PCDHGA1: variants seen among roughly 807,000 people sequenced by gnomAD.
PCDHGA1 encodes the protein protocadherin gamma-A1.
PCDHGA1 carries 32 observed loss-of-function variants against 58.0 expected under a neutral mutation model. That is an observed-to-expected ratio of 0.55 (90% CI 0.42 to 0.74). The LOEUF (loss-of-function observed/expected upper bound fraction) is 0.74, where lower values mean the gene tolerates loss of function less well. PCDHGA1 is among the 30% of genes least tolerant of loss of function. PCDHGA1 has a pLI of 0.00. For synonymous variants in PCDHGA1, 498 were observed against 501.1 expected (o/e 0.99, Z 0.08); for missense variants, 1,205 against 1,182.3 (o/e 1.02, Z -0.28).
chr5:141,365,402 G>A (rs1437859206), intron 1 of PCDHGA1: 2 of 1,613,998 alleles, frequency 1.2e-6, no homozygotes, highest in South Asian at 2.2e-5. Context: ...TTCGATCTCT[G>A]AAGACTGTCT....
In PCDHGA1 at chr5:141,485,146, G is replaced by C; in HGVS notation, c.2422-9661G>C. 6.4e-7 allele frequency: 1 copy of C among 1,569,470 alleles called. No individual in the cohort carries two copies. Among genetic ancestry groups the C allele is most frequent in the Non-Finnish European group, 8.7e-7 (1 of 1,143,568 alleles). On this transcript the variant is annotated intron_variant, in intron 1 of 3. Transcript: ENST00000517417. The surrounding 1 kb of genome is among the most constrained non-coding windows in gnomAD (Gnocchi z 5.7). Reference sequence around the variant, plus strand: ...GGTCGGCTTCATCCGCGTCTCAGGAGCAAGTAGAGAATTAGCGGGCGGCAG... The same window carrying C: ...GGTCGGCTTCATCCGCGTCTCAGGACCAAGTAGAGAATTAGCGGGCGGCAG...
chr5:141,447,161 C>T (rs1432238455), intron 1 of PCDHGA1, among the ~76,000 whole-genome samples: 1 of 151,728 alleles, frequency 6.6e-6, no homozygotes, highest in East Asian at 1.9e-4. Flanking sequence ...TTTGTTTAAG[C>T]GGGGTCTTGC....
In PCDHGA1 at chr5:141,413,886, C is replaced by T. The variant is rs916273509; in HGVS notation, c.2421+80781C>T. The T allele has an allele frequency of 8.7e-6, 14 of 1,613,202 alleles. No homozygotes were observed. The African/African-American group carries it at 1.7e-4, about 20-fold the overall frequency. On this transcript the variant is annotated intron_variant, in intron 1 of 3. Transcript: ENST00000517417. ...CTGTCCTTGTCAGTGTGACTGTCTT[C>T]GATGCAAATGACAACGCGCCGGTCT...
At chr5:141,413,462 G>A (rs750915907) in intron 1 of PCDHGA1, 4 of 1,614,120 alleles carry the variant, frequency 2.5e-6, no homozygotes, top group East Asian at 2.2e-5. Flanking sequence ...AGGATAGACC[G>A]GGAGGAGCTC....
Position 141,437,485 on chromosome 5 carries a change from C to T in PCDHGA1, c.2422-57322C>T, listed in dbSNP as rs372023505. The stretch of plus-strand genomic sequence containing the variant: ...TATACTTTTATAGCATATTTAATCT[C>T]GTAGATCACTTTTCAATGAATTATA... On this transcript the variant is annotated intron_variant, in intron 1 of 3. Transcript: ENST00000517417. Among the ~76,000 whole-genome samples, 16 of 152,188 alleles carry T rather than the reference C, an allele frequency of 1.1e-4. No individual in the cohort carries two copies. In the East Asian group the frequency reaches 2.9e-3, roughly 28 times the overall value.
intron 1 of PCDHGA1, chr5:141,414,145 C>T (rs1157390595): frequency 6.3e-7 from 1 of 1,597,566 alleles, no homozygotes; most frequent in Non-Finnish European, 8.5e-7. Context: ...AATAGAAATA[C>T]AAGCAGAAGA....
In PCDHGA1 at chr5:141,332,100, C is replaced by T; in HGVS notation, c.1416C>T (p.Phe472=). The T allele has an allele frequency of 6.2e-7, 1 of 1,614,210 alleles. No individual in the cohort carries two copies. The highest frequency in any genetic ancestry group is 1.1e-5 in the South Asian group (1 of 91,084). ...PENNPRGASI[F]SVRAHDLDSN... ...ACAACCCCAGAGGAGCCTCCATCTT[C>T]TCTGTGAGGGCCCACGACTTGGACA... The change falls in exon 1 of 4, where the codon TTC becomes TTT. Residue 472 remains phenylalanine, a synonymous_variant. Coordinates refer to ENST00000517417, the MANE Select transcript of PCDHGA1 (RefSeq NM_018912.3). This position sits in a 1 kb window ranked among gnomAD's most constrained non-coding sequence, Gnocchi z 4.6.
chr5:141,360,681 GAAAC>G, intron 1 of PCDHGA1: 1 of 1,613,946 alleles, frequency 6.2e-7, no homozygotes, highest in Non-Finnish European at 8.5e-7. Flanking sequence ...ATCTCGCTGA[GAAAC>G]AGACTCCAGA....
intron 1 of PCDHGA1, among the ~76,000 whole-genome samples, chr5:141,444,862 A>G (rs781224880): frequency 1.8e-4 from 28 of 152,198 alleles, no homozygotes; most frequent in Non-Finnish European, 2.9e-4. Flanking sequence ...AAGTCTTACT[A>G]CAGGACAAAG....
chr5:141,426,790 A>T, intron 1 of PCDHGA1: 1 of 456,732 alleles, frequency 2.2e-6, no homozygotes, highest in Middle Eastern at 3.3e-4. Flanking sequence ...CTCCAGAGTT[A>T]CCAGCTCAGT....
At chr5:141,370,272 A>T (rs1331315673) in intron 1 of PCDHGA1, 1 of 794,344 alleles carries the variant, frequency 1.3e-6, no homozygotes, top group Non-Finnish European at 1.9e-6. Context: ...TGCAGCGGAG[A>T]CACCCATTAG....
At chr5:141,393,326 G>C (rs2092729554) in intron 1 of PCDHGA1, 2 of 1,611,218 alleles carry the variant, frequency 1.2e-6, no homozygotes, top group Non-Finnish European at 1.7e-6. Context: ...AGAGCTACCA[G>C]CTCAGCCCCA....
intron 1 of PCDHGA1, chr5:141,365,824 G>A: frequency 1.2e-6 from 2 of 1,613,926 alleles, no homozygotes; most frequent in Non-Finnish European, 1.7e-6. Context: ...CATTTCAGGG[G>A]GCGCCCTTGT....
chr5:141,333,329 T>C, intron 1 of PCDHGA1: 1 of 739,240 alleles, frequency 1.4e-6, no homozygotes, highest in Non-Finnish European at 2.1e-6. Context: ...ATGTAGGTGG[T>C]TGGGTTGAAG....
At chr5:141,430,842 G>A (rs935750449) in intron 1 of PCDHGA1, 4 of 1,567,068 alleles carry the variant, frequency 2.6e-6, no homozygotes, top group Non-Finnish European at 3.4e-6. Flanking sequence ...GAGACCGGAT[G>A]CACCCAGATA....
intron 1 of PCDHGA1, chr5:141,384,939 C>T (rs1780682611): frequency 6.2e-7 from 1 of 1,614,018 alleles, no homozygotes; most frequent in Non-Finnish European, 8.5e-7. Context: ...GCCTTGAGCC[C>T]TCCGACGGTC....
chr5:141,356,471 C>T, intron 1 of PCDHGA1: 2 of 1,613,754 alleles, frequency 1.2e-6, no homozygotes, highest in Non-Finnish European at 8.5e-7. Flanking sequence ...ACTGTAACTG[C>T]CACTGACCAG....
intron 1 of PCDHGA1, chr5:141,364,436 C>T: frequency 6.2e-7 from 1 of 1,613,758 alleles, no homozygotes; most frequent in Non-Finnish European, 8.5e-7. Context: ...CTACTCGATG[C>T]CGGAGGAGCT....
At chr5:141,376,144 G>A (rs753001081) in intron 1 of PCDHGA1, 6 of 1,613,800 alleles carry the variant, frequency 3.7e-6, no homozygotes, top group South Asian at 1.1e-5. Context: ...CCAACGATTC[G>A]GACCTCACTC....
Sources: allele counts gnomAD v4.1 joint callset (sites outside exome capture counted in the v4.1 genomes callset), GRCh38; gene constraint gnomAD v4.1.1; non-coding constraint Gnocchi (gnomAD v3.1); transcripts MANE v1.5; gene names NCBI Gene and HGNC (gene_info 2026-07-23, HGNC 2026-07-21).